The following PLXNB3 variants were observed in gnomAD, a reference collection of about 807,000 sequenced individuals.
PLXNB3 encodes the protein plexin B3.
A neutral mutation model predicts 125.7 loss-of-function variants in PLXNB3; 80 were observed. That is an observed-to-expected ratio of 0.64 (90% CI 0.53 to 0.77). The LOEUF (loss-of-function observed/expected upper bound fraction) is 0.77. Among genes scored for constraint, PLXNB3 ranks in the 30% least tolerant of loss-of-function variants. The pLI is 0.00. For missense variants in PLXNB3, 1,836 were observed against 1,729.3 expected, an observed-to-expected ratio of 1.06 and a Z score of -1.09; for synonymous variants, 954 against 783.3, an observed-to-expected ratio of 1.22 and a Z score of -3.64.
Position 153,775,232 on chromosome X carries a change from A to T in PLXNB3, c.4163A>T (p.His1388Leu). ...CCTCCGACCCCTGCTCAGCTCATCCACACCCTGGAGGAGCAGCCCAGCTTT... is the reference window on the plus strand; with the variant it reads ...CCTCCGACCCCTGCTCAGCTCATCCTCACCCTGGAGGAGCAGCCCAGCTTT... ...NSKLFLLTLI[H>L]TLEEQPSFSQ... The change falls in exon 25 of 36, where the codon CAC becomes CTC. Residue 1388 changes from histidine (H) to leucine (L), a missense_variant. Transcript: ENST00000361971. 1 of 1,182,043 alleles carries T rather than the reference A, an allele frequency of 8.5e-7. No homozygotes were observed.
intron 6 of PLXNB3, 96 bp from the exon 7 acceptor site, chrX:153,769,711 T>G: frequency 1.1e-6 from 1 of 929,523 alleles, no homozygotes. Context: ...TGCACCCCAC[T>G]GCACTCCAGC....
chrX:153,771,958 T>G lies in PLXNB3; in HGVS notation c.2612T>G (p.Val871Gly). Reference sequence around the variant, plus strand: ...GCCTTCGCCGATGTGCAGTACGCCGTGAGCGTGGCCAGCCGGCCCTGCAAC... The same window carrying G: ...GCCTTCGCCGATGTGCAGTACGCCGGGAGCGTGGCCAGCCGGCCCTGCAAC... ...GRAFADVQYA[V>G]SVASRPCNPE... is the part of the protein sequence containing the mutation. The change falls in exon 15 of 36, where the codon GTG becomes GGG. Residue 871 changes from valine to glycine, a missense_variant. By Grantham distance (109) the Val-to-Gly change is moderately radical. Transcript: ENST00000361971. The G allele has an allele frequency of 8.3e-7, 1 of 1,208,685 alleles. No homozygotes were observed. The highest frequency in any genetic ancestry group is 1.1e-6 in the Non-Finnish European group (1 of 894,589).
Position 153,775,358 on chromosome X carries a change from TG to T in PLXNB3, c.4291del (p.Ala1431ArgfsTer36). On this transcript the variant is annotated frameshift_variant, in exon 25 of 36. Coordinates refer to ENST00000361971, the MANE Select transcript of PLXNB3 (RefSeq NM_005393.3). LOFTEE classifies it high-confidence loss of function. ...TDIMRTLLGD[L>X]AAHYVHRNPK... is the part of the protein sequence containing the mutation. Reference sequence around the variant, plus strand: ...ATCATGAGGACCCTGCTGGGTGACCTGGCGGCCCATTACGTGCACAGGAACC... The same window carrying T: ...ATCATGAGGACCCTGCTGGGTGACCTGCGGCCCATTACGTGCACAGGAACC... 1 of 1,209,809 alleles carries T rather than the reference TG, an allele frequency of 8.3e-7. No homozygotes were observed. The highest frequency in any genetic ancestry group is 1.7e-5 in the African/African-American group (1 of 58,004).
chrX:153,771,980 C>G lies in PLXNB3; in HGVS notation c.2634C>G (p.Cys878Trp). Residue 878 changes from cysteine (C) to tryptophan (W), a missense_variant, in exon 15 of 36, where the codon TGC becomes TGG. Cys to Trp is a radical substitution (Grantham distance 215, BLOSUM62 -2). Coordinates refer to ENST00000361971, the MANE Select transcript of PLXNB3 (RefSeq NM_005393.3). ...CCGTGAGCGTGGCCAGCCGGCCCTG[C>G]AACCCTGAGCCCTCTCTCTACCGCA... ...QYAVSVASRP[C>W]NPEPSLYRTS... The G allele has an allele frequency of 8.3e-7, 1 of 1,205,031 alleles. No individual in the cohort carries two copies. Among genetic ancestry groups the G allele is most frequent in the Non-Finnish European group, 1.1e-6 (1 of 892,297 alleles).
chrX:153,771,992 C>T lies in PLXNB3; in HGVS notation c.2646C>T (p.Pro882=), dbSNP rs2091935488. The T allele has an allele frequency of 1.7e-6, 2 of 1,201,089 alleles. No homozygotes were observed. Among genetic ancestry groups the T allele is most frequent in the Admixed American group, 2.2e-5 (1 of 45,371 alleles). ...SVASRPCNPE[P]SLYRTSARIV... ...CCAGCCGGCCCTGCAACCCTGAGCC[C>T]TCTCTCTACCGCACGTCGGCCCGGT... Residue 882 remains proline, a synonymous_variant, in exon 15 of 36, where the codon CCC becomes CCT. Transcript: ENST00000361971.
At chrX:153,775,784 A>C in intron 26 of PLXNB3, 103 bp from the exon 27 acceptor site, 1 of 1,088,030 alleles carries the variant, frequency 9.2e-7, no homozygotes, top group Non-Finnish European at 1.3e-6. Flanking sequence ...TGGAAAGGGA[A>C]GGACTTTGAA....
At chrX:153,766,647 C>G (rs1292497059) in intron 2 of PLXNB3, 1 of 751,328 alleles carries the variant, frequency 1.3e-6, no homozygotes, top group Admixed American at 8.7e-5. Context: ...CCCTCCCTGC[C>G]TCTTGCTCCA....
intron 14 of PLXNB3, 58 bp downstream of exon 14, chrX:153,771,713 T>A (rs2091932066): frequency 8.9e-6 from 10 of 1,129,460 alleles, no homozygotes; most frequent in Non-Finnish European, 1.2e-5. Context: ...CCCCGCACTG[T>A]CCTGTCCTCC....
At chrX:153,778,733 C>T in intron 35 of PLXNB3, 59 bp downstream of exon 35, 1 of 1,138,094 alleles carries the variant, frequency 8.8e-7, no homozygotes, top group African/African-American at 1.8e-5. Flanking sequence ...CGTGGACCCT[C>T]CCGGGGGAGC....
At chrX:153,769,714 ACTCCAGCTGGGCCGGC>A (rs1557060847) in intron 6 of PLXNB3, 77 bp from the exon 7 acceptor site, 32 of 947,155 alleles carry the variant, frequency 3.4e-5, no homozygotes, top group Non-Finnish European at 4.3e-5. Context: ...ACCCCACTGC[ACTCCAGCTGGGCCGGC>A]CTCCCCAGGC....
At position 153,770,457 on chromosome X, in the gene PLXNB3, G is replaced by A; in HGVS notation, c.1895+11G>A. The A allele has an allele frequency of 8.3e-7, 1 of 1,203,046 alleles. No homozygotes were observed. The highest frequency in any genetic ancestry group is 1.7e-5 in the African/African-American group (1 of 57,888). ...GGAGGCGGCTGCCCCGTGAGTCCCT[G>A]GGCCTGCCTCCTGGGGTAGGGGTGG... On this transcript the variant is annotated intron_variant, in intron 9 of 35. Transcript: ENST00000361971.
At position 153,777,236 on chromosome X, in the gene PLXNB3, G is replaced by C. The variant is rs782087499; in HGVS notation, c.4956G>C (p.Glu1652Asp). 9.1e-5 allele frequency: 104 copies of C among 1,146,887 alleles called. No individual in the cohort carries two copies. The highest frequency in any genetic ancestry group is 4.8e-4 in the Middle Eastern group (2 of 4,181). 94.5% of individuals were successfully genotyped at this position (1,146,887 alleles called of 1,213,427 possible). ...ENIPTLEDGE[E>D]GGVCLWHLVK... ...TACCCACGCTGGAGGATGGCGAGGA[G>C]GGGGGGGTGTGCCTCTGGCACCTGG... Residue 1652 changes from glutamate to aspartate, a missense_variant, in exon 30 of 36, where the codon GAG becomes GAC. By Grantham distance (45) the Glu-to-Asp change is conservative (BLOSUM62 2). Transcript: ENST00000361971.
chrX:153,769,730 C>T (rs1451847610), intron 6 of PLXNB3, 77 bp from the exon 7 acceptor site: 6 of 1,065,092 alleles, frequency 5.6e-6, no homozygotes, highest in East Asian at 6.6e-5. Flanking sequence ...GCTGGGCCGG[C>T]CTCCCCAGGC....
At position 153,770,621 on chromosome X, in the gene PLXNB3, G is replaced by A. The variant is rs782186077; in HGVS notation, c.1989G>A (p.Arg663=). Residue 663 remains arginine (R), a synonymous_variant, in exon 10 of 36, where the codon AGG becomes AGA. Coordinates refer to ENST00000361971, the MANE Select transcript of PLXNB3 (RefSeq NM_005393.3). ...GAGAGCACTGCCCAGAGGGCGAGAG[G>A]ACCATCTACAGCGCCCAGGAGGTGG... ...VYGEHCPEGE[R]TIYSAQEVDI... The A allele has an allele frequency of 2.5e-6, 3 of 1,210,778 alleles. No homozygotes were observed. Among genetic ancestry groups the A allele is most frequent in the Admixed American group, 2.2e-5 (1 of 46,152 alleles).
At chrX:153,778,239 G>A (rs375240105) in intron 32 of PLXNB3, 22 bp from the exon 33 acceptor site, 21 of 1,198,527 alleles carry the variant, frequency 1.8e-5, no homozygotes, top group African/African-American at 1.2e-4. Context: ...CATGCCTAGC[G>A]CCTCCCCTCC....
chrX:153,777,710 C>G lies in PLXNB3; in HGVS notation c.5261+22C>G, dbSNP rs782467063. 8 of 1,202,808 alleles carry G rather than the reference C, an allele frequency of 6.7e-6. No homozygotes were observed. The Admixed American group carries it at 1.5e-4, about 23-fold the overall frequency. ...ACAGGTGCCTTTCCTGCTGCCCCAC[C>G]CCTGCTGTGCATATGGTCCACTGAG... is the stretch of plus-strand genomic sequence containing the variant. On this transcript the variant is annotated intron_variant, in intron 31 of 35. Coordinates refer to ENST00000361971, the MANE Select transcript of PLXNB3 (RefSeq NM_005393.3).
At position 153,767,106 on chromosome X, in the gene PLXNB3, C is replaced by T. The variant is rs201380120; in HGVS notation, c.279C>T (p.Ile93=). Residue 93 remains isoleucine (I), a synonymous_variant, in exon 3 of 36, where the codon ATC becomes ATT. Transcript: ENST00000361971. ...LEAVAVTGPV[I]DSPDCVPFRD... Reference sequence around the variant, plus strand: ...CCGTGGCTGTCACTGGCCCTGTAATCGACAGCCCTGACTGCGTGCCCTTCC... The same window carrying T: ...CCGTGGCTGTCACTGGCCCTGTAATTGACAGCCCTGACTGCGTGCCCTTCC... 1.8e-5 allele frequency: 22 copies of T among 1,209,058 alleles called. No homozygotes were observed. Among genetic ancestry groups the T allele is most frequent in the African/African-American group, 8.7e-5 (5 of 57,642 alleles).
At chrX:153,765,412 C>T (rs1321138512) in intron 1 of PLXNB3, 59 bp from the exon 2 acceptor site, 5 of 949,802 alleles carry the variant, frequency 5.3e-6, no homozygotes, top group Admixed American at 5.6e-5. Context: ...CACCGCCGCC[C>T]CTCCTTCCCC....
At chrX:153,771,178 T>A in intron 12 of PLXNB3, 97 bp downstream of exon 12, 1 of 916,231 alleles carries the variant, frequency 1.1e-6, no homozygotes, top group South Asian at 2.1e-5. Context: ...GCCCATAACC[T>A]CTGTCTGTGG....
Sources: gnomAD v4.1 joint callset for allele counts on GRCh38, gnomAD v4.1.1 for gene constraint, MANE v1.5 for transcripts, NCBI Gene and HGNC (gene_info 2026-07-23, HGNC 2026-07-21) for gene names.